MTA3: variants seen among roughly 807,000 people sequenced by gnomAD.
MTA3 encodes the protein metastasis-associated protein MTA3.
A neutral mutation model predicts 83.5 loss-of-function variants in MTA3; 34 were observed. That is an observed-to-expected ratio of 0.41 (90% CI 0.31 to 0.54). MTA3 has a LOEUF of 0.54. Ranked by LOEUF, MTA3 falls within the 20% of genes least tolerant of loss-of-function variation. The pLI is 0.33. For synonymous variants in MTA3, 303 were observed against 252.7 expected (o/e 1.20, Z -1.89); for missense variants, 761 against 726.4 (o/e 1.05, Z -0.55).
intron 4 of MTA3, among the ~76,000 whole-genome samples, chr2:42,614,985 A>C (rs1166623205): frequency 6.6e-6 from 1 of 150,680 alleles, no homozygotes; most frequent in African/African-American, 2.4e-5. Context: ...TTAAAAAAAA[A>C]AAAAACAAAA....
At chr2:42,687,594 A>G (rs560736155) in intron 9 of MTA3, among the ~76,000 whole-genome samples, 1 of 152,326 alleles carries the variant, frequency 6.6e-6, no homozygotes, top group South Asian at 2.1e-4. Context: ...GCTGGGTCTT[A>G]CATGATAACT....
chr2:42,549,331 G>GTATATATTATATATTA (rs1676969982), intron 2 of MTA3, among the ~76,000 whole-genome samples: 1 of 112,610 alleles, frequency 8.9e-6, no homozygotes, highest in Non-Finnish European at 1.7e-5. Flanking sequence ...TATTATATAC[G>GTATATATTATATATTA]TATACGTATA....
rs772545386 is a variant in MTA3, at chr2:42,560,562, AC to A, written c.-140-9874del. ...GTGAGACTCCATCTTAAAAAAAAAAACAAAAAACAACAAAACAAAAAACAAA... is the reference window on the plus strand; with the variant it reads ...GTGAGACTCCATCTTAAAAAAAAAAAAAAAAACAACAAAACAAAAAACAAA... On this transcript the variant is annotated intron_variant, in intron 2 of 17. Transcript: ENST00000405592. Among the ~76,000 whole-genome samples the A allele has an allele frequency of 3.9e-3, 581 of 149,972 alleles. 7 individuals carry two copies. The highest frequency in any genetic ancestry group is 0.014 in the African/African-American group (563 of 40,678).
intron 4 of MTA3, among the ~76,000 whole-genome samples, chr2:42,625,812 C>G (rs1207997633): frequency 6.7e-6 from 1 of 150,184 alleles, no homozygotes; most frequent in African/African-American, 2.5e-5. Context: ...TTTAATAAAT[C>G]TATTATCTGC....
At chr2:42,594,728 A>ATATATATATATATATATATATATATATT in intron 3 of MTA3, among the ~76,000 whole-genome samples, 1 of 24,044 alleles carries the variant, frequency 4.2e-5, no homozygotes, top group Non-Finnish European at 6.5e-5. Flanking sequence ...ATATATATAT[A>ATATATATATATATATATATATATATATT]TTTTTTTTTT....
chr2:42,666,164 C>G (rs1487509018), intron 8 of MTA3, among the ~76,000 whole-genome samples: 2 of 152,136 alleles, frequency 1.3e-5, no homozygotes, highest in Non-Finnish European at 2.9e-5. Flanking sequence ...GTAGTCCCAG[C>G]TACTCGGGAG....
At chr2:42,704,823 G>T (rs1381796512) in intron 12 of MTA3, among the ~76,000 whole-genome samples, 3 of 152,188 alleles carry the variant, frequency 2.0e-5, no homozygotes, top group Non-Finnish European at 4.4e-5. Flanking sequence ...GGATCCCACT[G>T]TATTTATCTA....
intron 2 of MTA3, among the ~76,000 whole-genome samples, chr2:42,520,081 T>TA (rs1338301128): frequency 2.0e-5 from 3 of 152,162 alleles, no homozygotes; most frequent in African/African-American, 7.2e-5. Context: ...AAGGAAAACT[T>TA]AAACACAATT....
rs142515735 is a variant in MTA3 at position 42,585,379 on chromosome 2, C to T, written c.190+6179C>T. On this transcript the variant is annotated intron_variant, in intron 3 of 16. Coordinates refer to ENST00000405094, the MANE Select transcript of MTA3 (RefSeq NM_001330442.2). Reference sequence around the variant, plus strand: ...CTGGGATTACAGGCATGAGCCACCGCGCCTGGCTGAAAAGTGGAAATTATT... The same window carrying T: ...CTGGGATTACAGGCATGAGCCACCGTGCCTGGCTGAAAAGTGGAAATTATT... 8.8e-3 allele frequency among the ~76,000 whole-genome samples: 1,338 copies of T among 151,620 alleles called. 17 individuals are homozygous for T. The highest frequency in any genetic ancestry group is 0.03 in the African/African-American group (1,226 of 41,342).
intron 14 of MTA3, among the ~76,000 whole-genome samples, chr2:42,717,127 G>GT (rs66521425): frequency 8.3e-3 from 537 of 64,906 alleles, no homozygotes; most frequent in Non-Finnish European, 0.011. Context: ...TCAGAAAAGA[G>GT]TTTTTTTTTT....
intron 6 of MTA3, among the ~76,000 whole-genome samples, chr2:42,648,385 C>T (rs1688411638): frequency 6.6e-6 from 1 of 152,152 alleles, no homozygotes; most frequent in Non-Finnish European, 1.5e-5. Flanking sequence ...GGTACATTTC[C>T]ACCAGTGGCC....
At chr2:42,554,985 C>T (rs1224246593) in intron 2 of MTA3, among the ~76,000 whole-genome samples, 1 of 151,948 alleles carries the variant, frequency 6.6e-6, no homozygotes, top group Admixed American at 6.6e-5. Flanking sequence ...ACCCCGTCTT[C>T]ACTAAAAATA....
intron 8 of MTA3, among the ~76,000 whole-genome samples, chr2:42,660,268 T>C (rs1259332342): frequency 6.6e-6 from 1 of 152,066 alleles, no homozygotes; most frequent in Non-Finnish European, 1.5e-5. Context: ...TTTGTATTTT[T>C]GGTAGAGACG....
At chr2:42,617,870 C>G (rs1045236231) in intron 4 of MTA3, among the ~76,000 whole-genome samples, 2 of 151,944 alleles carry the variant, frequency 1.3e-5, no homozygotes, top group Non-Finnish European at 2.9e-5. Flanking sequence ...TATTCCCCTC[C>G]TCGCTTGACA....
intron 6 of MTA3, among the ~76,000 whole-genome samples, chr2:42,647,928 T>A (rs1163967124): frequency 6.6e-6 from 1 of 152,114 alleles, no homozygotes; most frequent in African/African-American, 2.4e-5. Flanking sequence ...AACCTCCGCC[T>A]CCCAAGTTCA....
chr2:42,598,946 C>G (rs1682194708), intron 3 of MTA3, among the ~76,000 whole-genome samples: 1 of 152,148 alleles, frequency 6.6e-6, no homozygotes, highest in East Asian at 1.9e-4. Flanking sequence ...TTTCAGTTGT[C>G]CCTTCCAGCC....
chr2:42,707,283 G>C (rs1273860657), intron 12 of MTA3, among the ~76,000 whole-genome samples: 1 of 149,996 alleles, frequency 6.7e-6, no homozygotes, highest in Non-Finnish European at 1.5e-5. Context: ...TCACTCTGTC[G>C]CCCAGGCTGG....
intron 8 of MTA3, among the ~76,000 whole-genome samples, chr2:42,674,602 T>TCC (rs1691158449): frequency 7.0e-6 from 1 of 142,066 alleles, no homozygotes; most frequent in Non-Finnish European, 1.5e-5. Flanking sequence ...TCTTCTTTTT[T>TCC]TTTTTTTTTT....
rs1408770357 is a variant in MTA3, at chr2:42,501,971, C to CT, written c.-141+6718dup. 4.6e-5 allele frequency among the ~76,000 whole-genome samples: 7 copies of CT among 152,150 alleles called. No homozygotes were observed. The South Asian group carries it at 1.0e-3, about 23-fold the overall frequency. The stretch of plus-strand genomic sequence containing the variant: ...CCAGCCTGGGCAATAGAGTGAGACT[C>CT]TATCTATCTCAAAAATTAAAATTAA... On this transcript the variant is annotated intron_variant, in intron 2 of 17. Transcript: ENST00000405592.
Sources: allele counts gnomAD v4.1 joint callset (sites outside exome capture counted in the v4.1 genomes callset), GRCh38; gene constraint gnomAD v4.1.1; transcripts MANE v1.5; gene names NCBI Gene and HGNC (gene_info 2026-07-23, HGNC 2026-07-21).